The following PPP1R42 variants were observed in gnomAD, a reference collection of about 807,000 sequenced individuals.
The protein encoded by PPP1R42 is leucine rich repeat containing 67.
PPP1R42 carries 34 observed loss-of-function variants against 31.0 expected under a neutral mutation model. The observed-to-expected ratio is 1.10, with a 90% CI of 0.83 to 1.46. PPP1R42 has a LOEUF of 1.46. PPP1R42 is among the 40% of genes most tolerant of loss of function. The pLI, the probability that PPP1R42 is intolerant of heterozygous loss-of-function variation, is 0.00. For missense variants in PPP1R42, 268 were observed against 303.0 expected, an observed-to-expected ratio of 0.88 and a Z score of 0.86; for synonymous variants, 103 against 109.8, an observed-to-expected ratio of 0.94 and a Z score of 0.39.
intron 2 of PPP1R42, among the ~76,000 whole-genome samples, chr8:67,016,426 A>G (rs919562552): frequency 2.0e-5 from 3 of 152,176 alleles, no homozygotes; most frequent in African/African-American, 7.2e-5. Flanking sequence ...ATGGCCTAAG[A>G]GTGTTATTGC....
chr8:67,020,752 A>T (rs1816188869), intron 1 of PPP1R42, among the ~76,000 whole-genome samples: 1 of 152,224 alleles, frequency 6.6e-6, no homozygotes, highest in Admixed American at 6.5e-5. Context: ...AGATAAGTTT[A>T]TCTTAACTGT....
intron 3 of PPP1R42, among the ~76,000 whole-genome samples, chr8:67,014,024 A>G (rs1815924634): frequency 6.6e-6 from 1 of 152,206 alleles, no homozygotes; most frequent in Non-Finnish European, 1.5e-5. Context: ...TATGAGATAT[A>G]TGATTCTGAA....
intron 2 of PPP1R42, among the ~76,000 whole-genome samples, chr8:67,015,206 A>T (rs1815975496): frequency 6.6e-6 from 1 of 151,490 alleles, no homozygotes; most frequent in Admixed American, 6.6e-5. Context: ...TTTAGTAGAG[A>T]CGGGGTTTCA....
intron 7 of PPP1R42, among the ~76,000 whole-genome samples, chr8:66,966,996 A>G (rs1471401546): frequency 1.3e-5 from 2 of 152,198 alleles, no homozygotes; most frequent in East Asian, 3.8e-4. Context: ...TTGATTTTTG[A>G]GACAAGGTCT....
At chr8:66,985,543 A>C (rs1189422291) in intron 6 of PPP1R42, 5 of 1,308,718 alleles carry the variant, frequency 3.8e-6, no homozygotes, top group Non-Finnish European at 4.4e-6. Context: ...CGGGCCCACC[A>C]TGTTGGCATT....
At chr8:66,986,279 A>T in intron 6 of PPP1R42, 1 of 502,706 alleles carries the variant, frequency 2.0e-6, no homozygotes, top group Non-Finnish European at 3.8e-6. Flanking sequence ...ATTAAGGAAG[A>T]GTGGCTAATT....
At chr8:66,965,406 C>T (rs765187980) in intron 7 of PPP1R42, among the ~76,000 whole-genome samples, 8 of 151,428 alleles carry the variant, frequency 5.3e-5, no homozygotes, top group Non-Finnish European at 1.5e-5. Flanking sequence ...GAACCACTAG[C>T]TGCTAGAAGT....
chr8:66,984,741 C>T, intron 6 of PPP1R42: 1 of 1,608,356 alleles, frequency 6.2e-7, no homozygotes, highest in Non-Finnish European at 8.5e-7. Flanking sequence ...GGGCTTCTAC[C>T]TTCGTGGGGT....
At chr8:66,968,398 A>G (rs940858098) in intron 7 of PPP1R42, 2 of 850,794 alleles carry the variant, frequency 2.4e-6, no homozygotes, top group African/African-American at 3.7e-5. Flanking sequence ...AGTGTGGGGC[A>G]CATACCTTTA....
At chr8:66,985,228 C>T in intron 6 of PPP1R42, 4 of 1,117,990 alleles carry the variant, frequency 3.6e-6, no homozygotes, top group South Asian at 2.5e-5. Context: ...CTCAAATTTG[C>T]CCTTGTCATG....
intron 7 of PPP1R42, among the ~76,000 whole-genome samples, chr8:66,967,441 T>G (rs541551595): frequency 2.0e-5 from 3 of 152,370 alleles, no homozygotes; most frequent in South Asian, 4.1e-4. Flanking sequence ...TAGACCGTTA[T>G]GTTTAACAAA....
At chr8:66,981,528 T>C (rs1814835900) in intron 7 of PPP1R42, among the ~76,000 whole-genome samples, 1 of 151,882 alleles carries the variant, frequency 6.6e-6, no homozygotes, top group African/African-American at 2.4e-5. Flanking sequence ...TACAGGTGCC[T>C]GTCACCACGC....
Position 67,014,612 on chromosome 8 carries a change from A to G in PPP1R42, c.130-20T>C. On this transcript the variant is annotated intron_variant, in intron 2 of 7. Transcript: ENST00000685739. ...GTCTTCCTAAAAGGGAAACAAAAAC[A>G]TGTCAAATGTAATTTCTCCTGAAAA... 2 of 1,494,054 alleles carry G rather than the reference A, an allele frequency of 1.3e-6. No homozygotes were observed. Among genetic ancestry groups the G allele is most frequent in the South Asian group, 2.6e-5 (2 of 77,918 alleles). The allele number at this position is 1,494,054 out of a possible 1,614,324, so 92.5% of individuals were successfully genotyped here. A position where few individuals can be genotyped will look rare whatever the true frequency, so the allele number is the denominator to read the frequency against.
At chr8:67,021,469 T>A (rs1816213428) in intron 1 of PPP1R42, 1 of 152,178 alleles carries the variant, frequency 6.6e-6, no homozygotes, top group Non-Finnish European at 1.5e-5. Flanking sequence ...TTAAGCTTAT[T>A]GTTGACTTTT....
At chr8:66,985,730 TAGG>T in intron 6 of PPP1R42, 2 of 1,295,848 alleles carry the variant, frequency 1.5e-6, no homozygotes, top group Non-Finnish European at 2.2e-6. Context: ...GGCTGAGGTG[TAGG>T]GGGGCTAATG....
intron 5 of PPP1R42, among the ~76,000 whole-genome samples, chr8:66,997,571 C>T (rs566702241): frequency 6.8e-6 from 1 of 146,434 alleles, no homozygotes; most frequent in African/African-American, 2.5e-5. Context: ...CCAAGAAACA[C>T]GGTCTCACTC....
chr8:66,975,045 G>T (rs1033488538), intron 7 of PPP1R42, among the ~76,000 whole-genome samples: 1 of 152,134 alleles, frequency 6.6e-6, no homozygotes, highest in Non-Finnish European at 1.5e-5. Context: ...GATTTTGATA[G>T]AAATTGCATT....
At chr8:67,020,898 C>G (rs1206524955) in intron 1 of PPP1R42, among the ~76,000 whole-genome samples, 1 of 152,196 alleles carries the variant, frequency 6.6e-6, no homozygotes, top group African/African-American at 2.4e-5. Flanking sequence ...TTAGCGTAAG[C>G]TATGATCATG....
chr8:67,025,086 C>A (rs1816354052), intron 1 of PPP1R42, among the ~76,000 whole-genome samples: 1 of 150,550 alleles, frequency 6.6e-6, no homozygotes, highest in Non-Finnish European at 1.5e-5. Context: ...TACAGGTGTA[C>A]ACCACCATGC....
Sources: allele counts gnomAD v4.1 joint callset (sites outside exome capture counted in the v4.1 genomes callset), GRCh38; gene constraint gnomAD v4.1.1; transcripts MANE v1.5; gene names NCBI Gene and HGNC (gene_info 2026-07-23, HGNC 2026-07-21).